The following ATF7 variants were observed in gnomAD, a reference collection of about 807,000 sequenced individuals.
ATF7 encodes cyclic AMP-dependent transcription factor ATF-7.
A neutral mutation model predicts 50.4 loss-of-function variants in ATF7; 10 were observed. That is an observed-to-expected ratio of 0.20 (90% CI 0.12 to 0.34). The LOEUF is 0.34. Among genes scored for constraint, ATF7 ranks in the 10% least tolerant of loss-of-function variants. The probability of loss-of-function intolerance (pLI) is 1.00; values close to 1 mark genes in which losing one functional copy is unlikely to be tolerated. For synonymous variants in ATF7, 201 were observed against 226.4 expected (o/e 0.89, Z 1.01); for missense variants, 465 against 613.9 (o/e 0.76, Z 2.56).
intron 9 of ATF7, among the ~76,000 whole-genome samples, chr12:53,526,087 G>C (rs1253973315): frequency 1.3e-5 from 2 of 151,872 alleles, no homozygotes; most frequent in Non-Finnish European, 1.5e-5. Context: ...GCGCATGCCT[G>C]TAATCCCAGC....
rs1365567137 is a variant in ATF7, at chr12:53,550,342, AT to A, written c.145+2198del. ...CTGTCTCAAAAAAAAAAATAAATAA[AT>A]AAATAAATAAATAAATAAATAAATA... On this transcript the variant is annotated intron_variant, in intron 3 of 11. Coordinates refer to ENST00000420353, the MANE Select transcript of ATF7 (RefSeq NM_006856.3). Among the ~76,000 whole-genome samples the A allele has an allele frequency of 1.3e-4, 19 of 143,560 alleles. No homozygotes were observed. The Middle Eastern group carries it at 0.014, about 108-fold the overall frequency. The allele number at this position is 143,560 out of a possible 152,430, so 94.2% of individuals were successfully genotyped here.
chr12:53,612,930 G>A (rs758812495), intron 1 of ATF7, among the ~76,000 whole-genome samples: 1 of 152,104 alleles, frequency 6.6e-6, no homozygotes, highest in Non-Finnish European at 1.5e-5. Flanking sequence ...CTTGAACCTG[G>A]GAGGCAGAGG....
At chr12:53,569,702 T>C (rs1941642089) in intron 2 of ATF7, among the ~76,000 whole-genome samples, 1 of 150,938 alleles carries the variant, frequency 6.6e-6, no homozygotes, top group Non-Finnish European at 1.5e-5. Context: ...TGAGATGGAG[T>C]CTCGCTCTGT....
At chr12:53,582,728 G>T (rs1260222382) in intron 2 of ATF7, among the ~76,000 whole-genome samples, 1 of 152,022 alleles carries the variant, frequency 6.6e-6, no homozygotes, top group Non-Finnish European at 1.5e-5. Flanking sequence ...ACAAGTCCCC[G>T]CCACCACGCC....
chr12:53,606,644 A>G (rs1320571504), intron 1 of ATF7, among the ~76,000 whole-genome samples: 1 of 151,720 alleles, frequency 6.6e-6, no homozygotes, highest in African/African-American at 2.4e-5. Flanking sequence ...TACATGTGCC[A>G]TGTTGGTGTG....
chr12:53,529,812 C>T (rs1938754814), intron 9 of ATF7, among the ~76,000 whole-genome samples: 1 of 150,162 alleles, frequency 6.7e-6, no homozygotes, highest in Non-Finnish European at 1.5e-5. Context: ...ACGATCTCGG[C>T]TCACTGCAGC....
At chr12:53,536,404 G>A (rs1053530129) in intron 5 of ATF7, among the ~76,000 whole-genome samples, 2 of 151,628 alleles carry the variant, frequency 1.3e-5, no homozygotes. Context: ...AGCCTCCCGA[G>A]TAGCTGGGAT....
intron 5 of ATF7, among the ~76,000 whole-genome samples, 183 bp downstream of exon 5, chr12:53,537,232 G>T (rs1003559788): frequency 6.6e-6 from 1 of 151,502 alleles, no homozygotes; most frequent in Non-Finnish European, 1.5e-5. Context: ...CCACGCCCAG[G>T]TAATTTTTGT....
intron 2 of ATF7, among the ~76,000 whole-genome samples, chr12:53,584,975 C>A (rs988976525): frequency 4.6e-5 from 7 of 151,994 alleles, no homozygotes; most frequent in Non-Finnish European, 7.4e-5. Flanking sequence ...GGATACGTGT[C>A]ATTTTATATA....
At chr12:53,601,293 T>C (rs1485395) in intron 1 of ATF7, among the ~76,000 whole-genome samples, 25,065 of 152,220 alleles carry the variant, frequency 0.16, 2,133 homozygotes, top group East Asian at 0.25. Flanking sequence ...TACTACAGTA[T>C]ATAACACACT....
rs965808157 is a variant in ATF7, at chr12:53,513,715, G to A, written c.*3422C>T. On this transcript the variant is annotated 3_prime_UTR_variant, in exon 12 of 12. Coordinates refer to ENST00000420353, the MANE Select transcript of ATF7 (RefSeq NM_006856.3). ...AAACTGGCGGGGATAGCTGTATCAGGGGCTAGCACCTTTAAGGAGCCTCTC... is the reference window on the plus strand; with the variant it reads ...AAACTGGCGGGGATAGCTGTATCAGAGGCTAGCACCTTTAAGGAGCCTCTC... 6.6e-6 allele frequency: 1 copy of A among 152,138 alleles called. No individual in the cohort carries two copies. The highest frequency in any genetic ancestry group is 1.5e-5 in the Non-Finnish European group (1 of 68,040). The allele number at this position is 152,138 out of a possible 1,614,324, so 9.4% of individuals were successfully genotyped here. A position where few individuals can be genotyped will look rare whatever the true frequency, so the allele number is the denominator to read the frequency against.
chr12:53,588,953 T>G lies in ATF7; in HGVS notation c.48+12000A>C, dbSNP rs114791652. 3.4e-3 allele frequency among the ~76,000 whole-genome samples: 512 copies of G among 152,226 alleles called. 2 individuals are homozygous for G. The highest frequency in any genetic ancestry group is 0.012 in the African/African-American group (485 of 41,538). On this transcript the variant is annotated intron_variant, in intron 2 of 11. Transcript: ENST00000420353. Reference sequence around the variant, plus strand: ...ACACCTTTTTTTTTTGTTTGCTTTGTTTTTTGCTCAGGCAGAGCTCAGCTA... The same window carrying G: ...ACACCTTTTTTTTTTGTTTGCTTTGGTTTTTGCTCAGGCAGAGCTCAGCTA...
At chr12:53,550,860 G>A (rs962509253) in intron 3 of ATF7, among the ~76,000 whole-genome samples, 1 of 152,182 alleles carries the variant, frequency 6.6e-6, no homozygotes, top group African/African-American at 2.4e-5. Flanking sequence ...AGGAGAACAT[G>A]TTTTCTCCTT....
At position 53,601,029 on chromosome 12, in the gene ATF7, G is replaced by T; in HGVS notation, c.-21-8C>A. The T allele has an allele frequency of 6.2e-7, 1 of 1,603,628 alleles. No homozygotes were observed. Among genetic ancestry groups the T allele is most frequent in the Non-Finnish European group, 8.5e-7 (1 of 1,175,078 alleles). On this transcript the variant is annotated splice_polypyrimidine_tract_variant and splice_region_variant and intron_variant, in intron 1 of 11. Transcript: ENST00000420353. ...TCATATAGCAGAGAGGAGCTGAGGA[G>T]GGGGAGGTGAGGGAAAAAGTTATGT...
rs1484878580 is a variant in ATF7 at position 53,516,454 on chromosome 12, G to C, written c.*683C>G. 2 of 152,706 alleles carry C rather than the reference G, an allele frequency of 1.3e-5. No individual in the cohort carries two copies. Among genetic ancestry groups the C allele is most frequent in the Non-Finnish European group, 2.9e-5 (2 of 68,114 alleles). 9.5% of individuals were successfully genotyped at this position (152,706 alleles called of 1,614,324 possible). Reference sequence around the variant, plus strand: ...TCTGCAAATAGATGAAAAAGAATTAGAACTCTTGAGGGTTTCTTTCTTTTT... The same window carrying C: ...TCTGCAAATAGATGAAAAAGAATTACAACTCTTGAGGGTTTCTTTCTTTTT... On this transcript the variant is annotated 3_prime_UTR_variant, in exon 12 of 12. Transcript: ENST00000420353.
intron 1 of ATF7, among the ~76,000 whole-genome samples, chr12:53,618,530 T>C (rs1003886732): frequency 1.3e-5 from 2 of 152,196 alleles, no homozygotes; most frequent in Non-Finnish European, 2.9e-5. Context: ...TAAATTCAAC[T>C]GTCAGGTCTA....
chr12:53,525,897 A>G (rs918134985), intron 9 of ATF7, among the ~76,000 whole-genome samples: 2 of 152,166 alleles, frequency 1.3e-5, no homozygotes, highest in African/African-American at 4.8e-5. Context: ...GTCCACTTAC[A>G]TGCAGATTTA....
intron 2 of ATF7, among the ~76,000 whole-genome samples, chr12:53,583,157 A>G (rs1304867164): frequency 6.6e-6 from 1 of 152,170 alleles, no homozygotes; most frequent in East Asian, 1.9e-4. Flanking sequence ...GAACACCTAC[A>G]CCAGGGGCCA....
At chr12:53,564,786 A>G (rs1189232380) in intron 2 of ATF7, among the ~76,000 whole-genome samples, 1 of 152,242 alleles carries the variant, frequency 6.6e-6, no homozygotes, top group African/African-American at 2.4e-5. Flanking sequence ...AAACTTGTCC[A>G]ACCTTTGGCC....
Sources: gnomAD v4.1 joint callset for allele counts (sites outside exome capture counted in the v4.1 genomes callset) on GRCh38, gnomAD v4.1.1 for gene constraint, MANE v1.5 for transcripts, NCBI Gene and HGNC (gene_info 2026-07-23, HGNC 2026-07-21) for gene names.